The following EYA4 variants were observed in gnomAD, a reference collection of about 807,000 sequenced individuals.
The protein encoded by EYA4 is protein phosphatase EYA4.
In EYA4, 31 loss-of-function variants were observed where a neutral mutation model predicts 87.9. The observed-to-expected ratio is 0.35, with a 90% CI of 0.27 to 0.48. EYA4 has a LOEUF of 0.48. Among genes scored for constraint, EYA4 ranks in the 20% least tolerant of loss-of-function variants. The pLI is 0.99. For missense variants in EYA4, 678 were observed against 761.4 expected, an observed-to-expected ratio of 0.89 and a Z score of 1.29; for synonymous variants, 263 against 270.6, an observed-to-expected ratio of 0.97 and a Z score of 0.28.
chr6:133,435,782 T>C (rs1458941855), intron 3 of EYA4, among the ~76,000 whole-genome samples: 1 of 152,252 alleles, frequency 6.6e-6, no homozygotes, highest in African/African-American at 2.4e-5. Context: ...TTTATTACTT[T>C]TTTTATTCCA....
intron 2 of EYA4, among the ~76,000 whole-genome samples, chr6:133,287,154 A>G (rs1003514413): frequency 6.6e-6 from 1 of 152,218 alleles, no homozygotes; most frequent in Non-Finnish European, 1.5e-5. Context: ...TTAATATAAT[A>G]TATACTATGC....
In EYA4 at chr6:133,529,063, C is replaced by T. The variant is rs1362697360; in HGVS notation, c.*258C>T. The T allele has an allele frequency of 8.0e-7, 1 of 1,251,562 alleles. No individual in the cohort carries two copies. Among genetic ancestry groups the T allele is most frequent in the African/African-American group, 1.5e-5 (1 of 64,682 alleles). The allele number at this position is 1,251,562 out of a possible 1,614,324, so 77.5% of individuals were successfully genotyped here. On this transcript the variant is annotated 3_prime_UTR_variant, in exon 20 of 20. Coordinates refer to ENST00000355286, the MANE Select transcript of EYA4 (RefSeq NM_004100.5). ...ATCTGTGGAGGTTGCTGGTACACAC[C>T]AAATGAGTCCAAACTGGAATGAGCA... is the stretch of plus-strand genomic sequence containing the variant.
chr6:133,246,090 T>C (rs1774385440), intron 1 of EYA4, among the ~76,000 whole-genome samples: 1 of 152,238 alleles, frequency 6.6e-6, no homozygotes, highest in Admixed American at 6.5e-5. Context: ...ACCACATTTA[T>C]ATAGTGATTT....
chr6:133,527,075 G>A (rs756250270), intron 19 of EYA4, among the ~76,000 whole-genome samples: 32 of 152,186 alleles, frequency 2.1e-4, no homozygotes, highest in Non-Finnish European at 4.3e-4. Flanking sequence ...ACCCTGAATG[G>A]AAAACAATCT....
At chr6:133,521,220 C>T (rs1800098174) in intron 17 of EYA4, among the ~76,000 whole-genome samples, 1 of 151,902 alleles carries the variant, frequency 6.6e-6, no homozygotes, top group Admixed American at 6.6e-5. Flanking sequence ...ACTCATCTGA[C>T]AAAGGGCTGA....
At chr6:133,500,919 G>A (rs546655970) in intron 13 of EYA4, among the ~76,000 whole-genome samples, 1 of 152,266 alleles carries the variant, frequency 6.6e-6, no homozygotes, top group South Asian at 2.1e-4. Flanking sequence ...GAGCCACCTT[G>A]TTGCCAAATC....
chr6:133,443,821 A>AT (rs1792542719), intron 3 of EYA4, among the ~76,000 whole-genome samples: 2 of 151,844 alleles, frequency 1.3e-5, no homozygotes, highest in South Asian at 4.2e-4. Flanking sequence ...AATGTTGGGG[A>AT]TTTTTTATAT....
intron 13 of EYA4, among the ~76,000 whole-genome samples, chr6:133,483,945 A>G (rs1796473994): frequency 6.6e-6 from 1 of 151,944 alleles, no homozygotes; most frequent in Non-Finnish European, 1.5e-5. Context: ...GCTGGTCTCG[A>G]ACTCCTGACC....
intron 4 of EYA4, among the ~76,000 whole-genome samples, chr6:133,447,257 CTT>C (rs1301337897): frequency 2.6e-5 from 4 of 152,108 alleles, no homozygotes; most frequent in Non-Finnish European, 4.4e-5. Flanking sequence ...GAGAATAACA[CTT>C]AACATTTATT....
intron 3 of EYA4, among the ~76,000 whole-genome samples, chr6:133,407,558 A>G (rs1788827125): frequency 6.6e-6 from 1 of 152,090 alleles, no homozygotes; most frequent in African/African-American, 2.4e-5. Flanking sequence ...TCACTTTTGA[A>G]TAATCCAGAG....
At chr6:133,483,504 C>G (rs184463963) in intron 13 of EYA4, among the ~76,000 whole-genome samples, 1 of 151,736 alleles carries the variant, frequency 6.6e-6, no homozygotes, top group African/African-American at 2.4e-5. Flanking sequence ...ATAGCAATAG[C>G]GAGTAATCTT....
At position 133,481,456 on chromosome 6, in the gene EYA4, T is replaced by C. The variant is rs764351261; in HGVS notation, c.971-7T>C. 22 of 1,613,490 alleles carry C rather than the reference T, an allele frequency of 1.4e-5. 1 individual carries two copies. In the Admixed American group the frequency reaches 1.5e-4, roughly 11 times the overall value. On this transcript the variant is annotated splice_region_variant and splice_polypyrimidine_tract_variant and intron_variant, in intron 11 of 19. Transcript: ENST00000355286. The stretch of plus-strand genomic sequence containing the variant: ...GCTATTCTTGACCTAAGTCATGTTA[T>C]CTATAGGAGAGTTCGATACCATGCA...
At chr6:133,425,451 G>C (rs9493621) in intron 3 of EYA4, among the ~76,000 whole-genome samples, 1 of 150,324 alleles carries the variant, frequency 6.7e-6, no homozygotes, top group Non-Finnish European at 1.5e-5. Flanking sequence ...CCCCAACCTC[G>C]CCATCAGCAC....
At chr6:133,518,797 T>G (rs1471993004) in intron 17 of EYA4, among the ~76,000 whole-genome samples, 3 of 152,034 alleles carry the variant, frequency 2.0e-5, no homozygotes, top group Non-Finnish European at 4.4e-5. Context: ...ACAGACTATC[T>G]CTCAGACCAC....
intron 2 of EYA4, among the ~76,000 whole-genome samples, chr6:133,330,786 G>T (rs1037945792): frequency 2.6e-5 from 4 of 151,674 alleles, no homozygotes; most frequent in African/African-American, 9.7e-5. Context: ...CTGGTTTGGT[G>T]GTTTTAATAT....
At chr6:133,294,062 T>TATATATATAAAAAA in intron 2 of EYA4, among the ~76,000 whole-genome samples, 1 of 105,160 alleles carries the variant, frequency 9.5e-6, no homozygotes, top group South Asian at 3.3e-4. Context: ...TATATATATA[T>TATATATATAAAAAA]AATTCTATTC....
chr6:133,394,457 A>C (rs1269786162), intron 3 of EYA4, among the ~76,000 whole-genome samples: 1 of 152,010 alleles, frequency 6.6e-6, no homozygotes, highest in Non-Finnish European at 1.5e-5. Context: ...GCTTGTATTT[A>C]AAAAATACTT....
intron 3 of EYA4, among the ~76,000 whole-genome samples, chr6:133,441,477 G>A (rs200135042): frequency 2.6e-5 from 4 of 152,102 alleles, no homozygotes; most frequent in Non-Finnish European, 4.4e-5. Flanking sequence ...AGAAGGGTGC[G>A]CACTTACAGA....
intron 3 of EYA4, among the ~76,000 whole-genome samples, chr6:133,441,940 T>TTA (rs890659932): frequency 4.9e-4 from 74 of 152,064 alleles, no homozygotes; most frequent in African/African-American, 1.6e-3. Context: ...ACATATATTT[T>TTA]TATATATATG....
Sources: gnomAD v4.1 joint callset for allele counts (sites outside exome capture counted in the v4.1 genomes callset) on GRCh38, gnomAD v4.1.1 for gene constraint, MANE v1.5 for transcripts, NCBI Gene and HGNC (gene_info 2026-07-23, HGNC 2026-07-21) for gene names.